SPPL2A: variants seen among roughly 807,000 people sequenced by gnomAD.
SPPL2A encodes signal peptide peptidase like 2A.
SPPL2A carries 51 observed loss-of-function variants against 63.8 expected under a neutral mutation model. The ratio of observed to expected loss-of-function variants is 0.80; its 90% CI spans 0.64 to 1.01. The LOEUF (loss-of-function observed/expected upper bound fraction) is 1.01. Ranked by LOEUF, SPPL2A falls within the 50% of genes least tolerant of loss-of-function variation. The probability of loss-of-function intolerance (pLI) is 0.00; values close to 1 mark genes in which losing one functional copy is unlikely to be tolerated. For missense variants in SPPL2A, 553 were observed against 622.7 expected (o/e 0.89, Z 1.19); for synonymous variants, 188 against 205.8 (o/e 0.91, Z 0.74).
At chr15:50,758,530 A>G (rs995520754) in intron 1 of SPPL2A, among the ~76,000 whole-genome samples, 1 of 151,326 alleles carries the variant, frequency 6.6e-6, no homozygotes, top group Non-Finnish European at 1.5e-5. Flanking sequence ...GGGTTTCACC[A>G]TGTTGGCCAG....
At chr15:50,756,064 G>C (rs978437222) in intron 1 of SPPL2A, among the ~76,000 whole-genome samples, 4 of 151,966 alleles carry the variant, frequency 2.6e-5, no homozygotes, top group African/African-American at 9.7e-5. Flanking sequence ...AAATGGGCTT[G>C]AAAGTCAGGG....
In SPPL2A at chr15:50,748,133, CT is replaced by C; in HGVS notation, c.429del (p.Asp144ThrfsTer5). On this transcript the variant is annotated frameshift_variant, in exon 4 of 15. Transcript: ENST00000261854. LOFTEE classifies it high-confidence loss of function. ...VKILIAFISY[K>X]DFRDMNQTLG... ...TTTACCTGGTTCATATCTCTAAAGT[CT>C]TTGTAGCTTATAAATGCAATCAGTA... 1 of 1,469,096 alleles carries C rather than the reference CT, an allele frequency of 6.8e-7. No homozygotes were observed. Among genetic ancestry groups the C allele is most frequent in the Middle Eastern group, 2.1e-4 (1 of 4,818 alleles). 91.0% of individuals were successfully genotyped at this position (1,469,096 alleles called of 1,614,324 possible).
Position 50,705,586 on chromosome 15 carries a change from A to G in SPPL2A, c.*2214T>C, listed in dbSNP as rs1468588722. 1 of 152,200 alleles carries G rather than the reference A, an allele frequency of 6.6e-6. No individual in the cohort carries two copies. Among genetic ancestry groups the G allele is most frequent in the South Asian group, 2.1e-4 (1 of 4,826 alleles). The allele number at this position is 152,200 out of a possible 1,614,324, so 9.4% of individuals were successfully genotyped here. The stretch of plus-strand genomic sequence containing the variant: ...TGCCAAATAAATCAGATTTCTTGGA[A>G]AATATTCAAACTTGATACAATGGAG... On this transcript the variant is annotated 3_prime_UTR_variant, in exon 15 of 15. Transcript: ENST00000261854.
intron 1 of SPPL2A, among the ~76,000 whole-genome samples, chr15:50,757,382 C>G (rs1482840384): frequency 1.3e-5 from 2 of 152,066 alleles, no homozygotes; most frequent in Non-Finnish European, 2.9e-5. Flanking sequence ...ACGCCCGGCC[C>G]TAAATCCTTT....
intron 1 of SPPL2A, 101 bp downstream of exon 1, chr15:50,765,367 G>T: frequency 1.2e-6 from 1 of 844,454 alleles, no homozygotes; most frequent in Non-Finnish European, 1.7e-6. Context: ...GGAGGTGCGG[G>T]CAGAGGGGAG....
chr15:50,742,647 T>C (rs1024391205), intron 5 of SPPL2A: 3 of 152,188 alleles, frequency 2.0e-5, no homozygotes, highest in African/African-American at 7.2e-5. Context: ...TCATATTCTC[T>C]TTCTCCATAC....
rs893754562 is a variant in SPPL2A, at chr15:50,706,673, T to C, written c.*1127A>G. The C allele has an allele frequency of 2.0e-5, 3 of 152,130 alleles. No individual in the cohort carries two copies. Among genetic ancestry groups the C allele is most frequent in the African/African-American group, 7.2e-5 (3 of 41,446 alleles). The allele number at this position is 152,130 out of a possible 1,614,324, so 9.4% of individuals were successfully genotyped here. A position where few individuals can be genotyped will look rare whatever the true frequency, so the allele number is the denominator to read the frequency against. ...ATGCTGTATTCAACGATGAGCCATA[T>C]GTATTAATACATAATTTCTTAAGAA... On this transcript the variant is annotated 3_prime_UTR_variant, in exon 15 of 15. Coordinates refer to ENST00000261854, the MANE Select transcript of SPPL2A (RefSeq NM_032802.4).
intron 1 of SPPL2A, among the ~76,000 whole-genome samples, chr15:50,756,913 A>G (rs2062961909): frequency 2.0e-5 from 3 of 152,026 alleles, no homozygotes. Flanking sequence ...ACACAGCTAG[A>G]TCCCCAAGCA....
At chr15:50,719,222 G>A (rs1374057672) in intron 14 of SPPL2A, among the ~76,000 whole-genome samples, 1 of 152,038 alleles carries the variant, frequency 6.6e-6, no homozygotes, top group African/African-American at 2.4e-5. Flanking sequence ...ATCTAGTTTG[G>A]TTAGGCCCAT....
intron 11 of SPPL2A, chr15:50,725,989 G>C: frequency 2.2e-6 from 2 of 910,592 alleles, no homozygotes; most frequent in East Asian, 5.3e-5. Context: ...TGGCAATCTG[G>C]ATTTTTTTTT....
chr15:50,744,509 T>G (rs1035428566), intron 5 of SPPL2A, among the ~76,000 whole-genome samples: 7 of 152,182 alleles, frequency 4.6e-5, no homozygotes, highest in Admixed American at 1.3e-4. Context: ...ATTTTTTTCA[T>G]TGAGAGTTAT....
intron 13 of SPPL2A, among the ~76,000 whole-genome samples, chr15:50,720,914 T>C (rs2062641168): frequency 6.6e-6 from 1 of 152,198 alleles, no homozygotes; most frequent in Non-Finnish European, 1.5e-5. Context: ...ATTTTAAAGA[T>C]GAGGCAATGG....
chr15:50,741,400 GGA>G (rs2062818988), intron 5 of SPPL2A, among the ~76,000 whole-genome samples: 1 of 151,084 alleles, frequency 6.6e-6, no homozygotes, highest in African/African-American at 2.4e-5. Context: ...AAAAGAGGAG[GGA>G]GAGAGTTGAT....
chr15:50,712,591 C>T (rs1358440913), intron 14 of SPPL2A, among the ~76,000 whole-genome samples: 1 of 151,874 alleles, frequency 6.6e-6, no homozygotes, highest in African/African-American at 2.4e-5. Flanking sequence ...ATCCACCTGC[C>T]TCACACCAAG....
At chr15:50,736,008 C>CA (rs2062768351) in intron 8 of SPPL2A, 93 bp downstream of exon 8, 12 of 794,488 alleles carry the variant, frequency 1.5e-5, no homozygotes, top group Non-Finnish European at 2.3e-5. Context: ...GGCATAGAAG[C>CA]AAAAAAATTC....
At chr15:50,748,978 T>C (rs1348190655) in intron 2 of SPPL2A, 108 bp from the exon 3 acceptor site, 1 of 597,158 alleles carries the variant, frequency 1.7e-6, no homozygotes, top group Admixed American at 3.3e-5. Context: ...AGACAATATC[T>C]TTTGAATTAG....
At chr15:50,744,340 C>T (rs1296752986) in intron 5 of SPPL2A, among the ~76,000 whole-genome samples, 3 of 152,126 alleles carry the variant, frequency 2.0e-5, no homozygotes, top group Non-Finnish European at 4.4e-5. Context: ...TTAACATTTC[C>T]CTCTTGATGT....
At chr15:50,735,678 C>T (rs920378814) in intron 8 of SPPL2A, among the ~76,000 whole-genome samples, 4 of 152,050 alleles carry the variant, frequency 2.6e-5, no homozygotes, top group African/African-American at 9.6e-5. Context: ...CGGGTTCAAG[C>T]GATTCTCCTG....
chr15:50,728,666 C>T (rs1040763255), intron 10 of SPPL2A, among the ~76,000 whole-genome samples: 6 of 151,094 alleles, frequency 4.0e-5, no homozygotes, highest in South Asian at 2.1e-4. Context: ...TTTTTTGAAA[C>T]GGAGTCTCAC....
Sources: gnomAD v4.1 joint callset for allele counts (sites outside exome capture counted in the v4.1 genomes callset) on GRCh38, gnomAD v4.1.1 for gene constraint, MANE v1.5 for transcripts, NCBI Gene and HGNC (gene_info 2026-07-23, HGNC 2026-07-21) for gene names.